Variants in MYLK observed in about 807,000 individuals in gnomAD.
The protein encoded by MYLK is myosin light chain kinase, also known as myosin light chain kinase, smooth muscle.
Under a neutral mutation model 203.4 loss-of-function variants are expected in MYLK, and 106 were observed. The ratio of observed to expected loss-of-function variants is 0.52; its 90% CI spans 0.45 to 0.61. The LOEUF (loss-of-function observed/expected upper bound fraction) is 0.61, where lower values mean the gene tolerates loss of function less well. Ranked by LOEUF, MYLK falls within the 20% of genes least tolerant of loss-of-function variation. The probability of loss-of-function intolerance (pLI) is 0.00; values close to 1 mark genes in which losing one functional copy is unlikely to be tolerated. For missense variants in MYLK, 2,072 were observed against 2,442.3 expected (o/e 0.85, Z 3.20); for synonymous variants, 867 against 959.5 (o/e 0.90, Z 1.78).
intron 3 of MYLK, among the ~76,000 whole-genome samples, chr3:123,829,159 C>T (rs1206826506): frequency 6.6e-6 from 1 of 152,126 alleles, no homozygotes; most frequent in African/African-American, 2.4e-5. Context: ...TACTGCAGCA[C>T]TATTTACAAT....
intron 13 of MYLK, among the ~76,000 whole-genome samples, chr3:123,718,351 C>T (rs1398473145): frequency 1.3e-5 from 2 of 152,158 alleles, no homozygotes; most frequent in African/African-American, 4.8e-5. Context: ...CACAGTATGA[C>T]GTGATCCCTC....
rs376586087 is a variant in MYLK, at chr3:123,793,685, C to T, written c.157G>A (p.Glu53Lys). 9.9e-6 allele frequency: 16 copies of T among 1,614,020 alleles called. No individual in the cohort carries two copies. Among genetic ancestry groups the T allele is most frequent in the Middle Eastern group, 3.3e-4 (2 of 6,082 alleles). The change falls in exon 4 of 34, where the codon GAA becomes AAA. Residue 53 changes from glutamate to lysine, a missense_variant. Transcript: ENST00000360304. ...CCAGCCACACTTCTTACCCGCCCTT[C>T]GAACTTGGCGGTGGCTCCTTCTTTG... ...CIKEGATAKF[E>K]GRVRGYPEPQ...
chr3:123,689,065 ATGAC>A (rs2060566893), intron 19 of MYLK, among the ~76,000 whole-genome samples: 1 of 152,144 alleles, frequency 6.6e-6, no homozygotes. Flanking sequence ...TATTAGTTGA[ATGAC>A]TGAGTGATGG....
chr3:123,773,807 G>A (rs1560199616), intron 4 of MYLK, among the ~76,000 whole-genome samples: 1 of 152,210 alleles, frequency 6.6e-6, no homozygotes, highest in Admixed American at 6.5e-5. Flanking sequence ...ACATCCAGTA[G>A]GCAGCCCACA....
At chr3:123,781,472 CAT>C (rs776760658) in intron 4 of MYLK, among the ~76,000 whole-genome samples, 1 of 152,222 alleles carries the variant, frequency 6.6e-6, no homozygotes, top group Non-Finnish European at 1.5e-5. Flanking sequence ...TTTCATTCTG[CAT>C]ATCTTTCCCC....
intron 13 of MYLK, among the ~76,000 whole-genome samples, chr3:123,714,458 G>A (rs2061824914): frequency 6.6e-6 from 1 of 152,194 alleles, no homozygotes; most frequent in Non-Finnish European, 1.5e-5. Context: ...ACCAGGGTCT[G>A]AGGCAAGAGG....
intron 2 of MYLK, among the ~76,000 whole-genome samples, chr3:123,846,138 A>T (rs919700410): frequency 6.6e-6 from 1 of 152,200 alleles, no homozygotes. Context: ...GACAAAACGG[A>T]TTCTTGATTA....
intron 12 of MYLK, among the ~76,000 whole-genome samples, 191 bp from the exon 13 acceptor site, chr3:123,722,471 C>T (rs1220286939): frequency 1.3e-5 from 2 of 151,998 alleles, no homozygotes; most frequent in African/African-American, 4.8e-5. Flanking sequence ...GAGAAAGAGC[C>T]AGGGGCTAAG....
rs1158249205 is a variant in MYLK at position 123,640,621 on chromosome 3, G to A, written c.4620-117C>T. On this transcript the variant is annotated intron_variant, in intron 27 of 33. Coordinates refer to ENST00000360304, the MANE Select transcript of MYLK (RefSeq NM_053025.4). The surrounding 1 kb of genome is among the most constrained non-coding windows in gnomAD (Gnocchi z 4.3). Reference sequence around the variant, plus strand: ...AAATTGGCAGGAAAGCCCAGGGAATGGGGGTGATGGGCAATTCCTGAATCC... The same window carrying A: ...AAATTGGCAGGAAAGCCCAGGGAATAGGGGTGATGGGCAATTCCTGAATCC... 2.9e-6 allele frequency: 3 copies of A among 1,019,356 alleles called. No homozygotes were observed. The highest frequency in any genetic ancestry group is 3.2e-5 in the African/African-American group (2 of 63,074). 63.1% of individuals were successfully genotyped at this position (1,019,356 alleles called of 1,614,324 possible).
At chr3:123,826,334 G>A (rs561802318) in intron 3 of MYLK, among the ~76,000 whole-genome samples, 7 of 152,146 alleles carry the variant, frequency 4.6e-5, no homozygotes, top group Non-Finnish European at 8.8e-5. Context: ...TGCATGGGCT[G>A]CCCCTGGCAG....
At chr3:123,685,653 T>C (rs1331580039) in intron 19 of MYLK, among the ~76,000 whole-genome samples, 2 of 150,066 alleles carry the variant, frequency 1.3e-5, no homozygotes, top group Non-Finnish European at 3.0e-5. Context: ...TGATCACTTA[T>C]GAATTAATTC....
intron 4 of MYLK, among the ~76,000 whole-genome samples, chr3:123,785,867 T>C (rs1374841774): frequency 6.6e-6 from 1 of 152,254 alleles, no homozygotes; most frequent in East Asian, 1.9e-4. Context: ...AAATTCATGT[T>C]AATTTAAGTT....
chr3:123,881,131 C>T (rs1405712494), intron 1 of MYLK, among the ~76,000 whole-genome samples: 1 of 152,112 alleles, frequency 6.6e-6, no homozygotes, highest in Non-Finnish European at 1.5e-5. Context: ...TGTCTGCCTG[C>T]TTGTAAGGTA....
chr3:123,877,917 G>A (rs1460728228), intron 1 of MYLK, among the ~76,000 whole-genome samples: 1 of 152,188 alleles, frequency 6.6e-6, no homozygotes, highest in Non-Finnish European at 1.5e-5. Flanking sequence ...TAAAGCTCAG[G>A]AGAAAAGTTA....
intron 14 of MYLK, 73 bp from the exon 15 acceptor site, chr3:123,708,968 T>G: frequency 7.7e-7 from 1 of 1,303,090 alleles, no homozygotes; most frequent in Non-Finnish European, 1.1e-6. Context: ...CTGCGCTGAA[T>G]GCAGTGATAT....
Position 123,652,293 on chromosome 3 carries a change from T to TA in MYLK, c.4289-3100dup, listed in dbSNP as rs539866148. On this transcript the variant is annotated intron_variant, in intron 24 of 33. Transcript: ENST00000360304. ...CTAGGGAAGGGTCTTCCACTGAACT[T>TA]AAAAAAAAAAAAAATCTGTTCAGAA... Among the ~76,000 whole-genome samples the TA allele has an allele frequency of 2.1e-3, 307 of 144,258 alleles. 1 individual carries two copies. The highest frequency in any genetic ancestry group is 5.8e-3 in the African/African-American group (228 of 39,546). The allele number at this position is 144,258 out of a possible 152,430, so 94.6% of individuals were successfully genotyped here.
intron 6 of MYLK, among the ~76,000 whole-genome samples, chr3:123,739,397 A>G (rs60110329): frequency 1.3e-5 from 2 of 152,198 alleles, no homozygotes; most frequent in Non-Finnish European, 2.9e-5. Context: ...GGGCCGACTC[A>G]TAAGAACCTC....
rs770254072 is a variant in MYLK, at chr3:123,700,466, T to G, written c.3002A>C (p.Glu1001Ala). The change falls in exon 18 of 34, where the codon GAG (glutamate) becomes GCG (alanine). Residue 1001 changes from glutamate (E) to alanine (A), a missense_variant. Coordinates refer to ENST00000360304, the MANE Select transcript of MYLK (RefSeq NM_053025.4). The part of the protein sequence containing the change: ...LPAENGSSSA[E>A]TLNAKAVESS... ...CTCCACTGCCTTGGCATTCAGGGTC[T>G]CGGCACTGCTGCTGCCATTCTCTGC... 19 of 1,608,208 alleles carry G rather than the reference T, an allele frequency of 1.2e-5. No individual in the cohort carries two copies. The South Asian group carries it at 2.0e-4, about 17-fold the overall frequency.
chr3:123,644,477 C>T (rs1254533982), intron 27 of MYLK: 1 of 152,284 alleles, frequency 6.6e-6, no homozygotes, highest in Non-Finnish European at 1.5e-5. Context: ...AGCTTTCTTA[C>T]ATTTTCTCTT....
Sources: gnomAD v4.1 joint callset for allele counts (sites outside exome capture counted in the v4.1 genomes callset) on GRCh38, gnomAD v4.1.1 for gene constraint, Gnocchi (gnomAD v3.1) non-coding constraint, MANE v1.5 for transcripts, NCBI Gene and HGNC (gene_info 2026-07-23, HGNC 2026-07-21) for gene names.